Variants in PHACTR1 observed in about 807,000 individuals in gnomAD.
PHACTR1 encodes the protein phosphatase and actin regulator 1.
Under a neutral mutation model 69.2 loss-of-function variants are expected in PHACTR1, and 16 were observed. The ratio of observed to expected loss-of-function variants is 0.23; its 90% confidence interval spans 0.16 to 0.35. The LOEUF (loss-of-function observed/expected upper bound fraction) is 0.35, where lower values mean the gene tolerates loss of function less well. Among genes scored for constraint, PHACTR1 ranks in the 10% least tolerant of loss-of-function variants. PHACTR1 has a pLI of 1.00. For synonymous variants in PHACTR1, 312 were observed against 284.5 expected, an observed-to-expected ratio of 1.10 and a Z score of -0.97; for missense variants, 510 against 734.7, an observed-to-expected ratio of 0.69 and a Z score of 3.54.
At chr6:12,970,439 C>T (rs1240551717) in intron 4 of PHACTR1, among the ~76,000 whole-genome samples, 1 of 152,170 alleles carries the variant, frequency 6.6e-6, no homozygotes, top group African/African-American at 2.4e-5. Flanking sequence ...GACTTCAGTG[C>T]ACAGCAGTAT....
At chr6:13,157,007 A>G (rs1038558246) in intron 5 of PHACTR1, among the ~76,000 whole-genome samples, 15 of 152,142 alleles carry the variant, frequency 9.9e-5, no homozygotes, top group African/African-American at 1.7e-4. Flanking sequence ...GTGAATGTTC[A>G]TCTTTCATAT....
At chr6:12,844,520 T>C (rs1016951259) in intron 4 of PHACTR1, among the ~76,000 whole-genome samples, 4 of 152,160 alleles carry the variant, frequency 2.6e-5, no homozygotes, top group African/African-American at 7.2e-5. Context: ...TATGATGTAC[T>C]GGGCAAAGTT....
chr6:12,969,425 G>T (rs1793900329), intron 4 of PHACTR1, among the ~76,000 whole-genome samples: 1 of 152,112 alleles, frequency 6.6e-6, no homozygotes, highest in Non-Finnish European at 1.5e-5. Flanking sequence ...CTAGCAACCT[G>T]TCTTGTATTT....
chr6:12,901,688 G>A (rs560720131), intron 4 of PHACTR1, among the ~76,000 whole-genome samples: 1 of 152,234 alleles, frequency 6.6e-6, no homozygotes, highest in Non-Finnish European at 1.5e-5. Context: ...TAGAAACGGG[G>A]TTTCACCATG....
intron 5 of PHACTR1, among the ~76,000 whole-genome samples, chr6:13,144,852 GA>G (rs1389000481): frequency 6.6e-6 from 1 of 151,750 alleles, no homozygotes; most frequent in African/African-American, 2.4e-5. Context: ...CAAGTTAAAG[GA>G]TGTATACTAC....
chr6:12,752,534 A>T (rs1766752131), intron 4 of PHACTR1, among the ~76,000 whole-genome samples: 1 of 152,238 alleles, frequency 6.6e-6, no homozygotes, highest in Admixed American at 6.5e-5. Flanking sequence ...CCACACCAGT[A>T]ATTATACATA....
intron 4 of PHACTR1, among the ~76,000 whole-genome samples, chr6:12,873,568 T>G (rs1232974439): frequency 6.6e-6 from 1 of 152,106 alleles, no homozygotes; most frequent in African/African-American, 2.4e-5. Context: ...ACGTTTTACA[T>G]CAGGTGTTCA....
At chr6:12,899,503 AG>A (rs1226983152) in intron 4 of PHACTR1, among the ~76,000 whole-genome samples, 3 of 152,194 alleles carry the variant, frequency 2.0e-5, no homozygotes, top group Admixed American at 6.5e-5. Context: ...TATAATTAAA[AG>A]GGTGTGCCTT....
chr6:13,125,130 A>G (rs139661369), intron 5 of PHACTR1, among the ~76,000 whole-genome samples: 97 of 152,340 alleles, frequency 6.4e-4, no homozygotes, highest in African/African-American at 2.2e-3. Context: ...ACGGCTGGGA[A>G]GCAGGTGAAT....
At chr6:13,062,830 C>T (rs1431921525) in intron 5 of PHACTR1, among the ~76,000 whole-genome samples, 1 of 152,206 alleles carries the variant, frequency 6.6e-6, no homozygotes, top group Non-Finnish European at 1.5e-5. Flanking sequence ...GCCTCTTATC[C>T]AGCATAAGAC....
intron 4 of PHACTR1, among the ~76,000 whole-genome samples, chr6:12,789,115 C>T (rs970017495): frequency 6.6e-6 from 1 of 152,180 alleles, no homozygotes; most frequent in Non-Finnish European, 1.5e-5. Flanking sequence ...TTGAATCACC[C>T]AGGTTTAGGT....
At chr6:12,807,821 C>G (rs1230932429) in intron 4 of PHACTR1, among the ~76,000 whole-genome samples, 2 of 152,206 alleles carry the variant, frequency 1.3e-5, no homozygotes, top group African/African-American at 4.8e-5. Flanking sequence ...ACCCTGAACA[C>G]CCAATAGCAT....
intron 3 of PHACTR1, among the ~76,000 whole-genome samples, chr6:12,725,597 T>C (rs1251064787): frequency 6.6e-6 from 1 of 152,208 alleles, no homozygotes; most frequent in Non-Finnish European, 1.5e-5. Context: ...AAAATAGATA[T>C]AATGCTAGCT....
At chr6:12,988,493 A>G (rs1216674433) in intron 4 of PHACTR1, among the ~76,000 whole-genome samples, 2 of 152,226 alleles carry the variant, frequency 1.3e-5, no homozygotes, top group African/African-American at 2.4e-5. Context: ...AATAGAGGTG[A>G]TGCATTATGA....
Position 13,074,331 on chromosome 6 carries a change from G to A in PHACTR1, c.415+20802G>A, listed in dbSNP as rs138501362. Among the ~76,000 whole-genome samples the A allele has an allele frequency of 1.7e-3, 255 of 152,328 alleles. 1 individual carries two copies. Among genetic ancestry groups the A allele is most frequent in the African/African-American group, 5.8e-3 (240 of 41,590 alleles). ...TACTGAGATACCATTTGTCACTTAT[G>A]ACTTTGGCAAAGATAAGAAATCGAT... On this transcript the variant is annotated intron_variant, in intron 5 of 14. Coordinates refer to ENST00000332995, the MANE Select transcript of PHACTR1 (RefSeq NM_030948.6).
At chr6:13,196,514 A>G (rs1306890268) in intron 7 of PHACTR1, 2 of 173,758 alleles carry the variant, frequency 1.2e-5, no homozygotes, top group South Asian at 8.9e-5. Context: ...TCCGCTTCCC[A>G]GGTTCAAGCG....
chr6:12,986,306 C>T (rs188554531), intron 4 of PHACTR1, among the ~76,000 whole-genome samples: 260 of 152,176 alleles, frequency 1.7e-3, no homozygotes, highest in African/African-American at 5.7e-3. Flanking sequence ...GACCTTGCAC[C>T]GGTGACACAC....
chr6:13,217,508 T>C (rs75714180), intron 8 of PHACTR1, among the ~76,000 whole-genome samples: 17 of 152,306 alleles, frequency 1.1e-4, no homozygotes, highest in Admixed American at 5.2e-4. Flanking sequence ...GTGTGTCTTA[T>C]GGTTTTGTTC....
chr6:13,279,494 A>G (rs1049267805), intron 12 of PHACTR1: 1 of 152,256 alleles, frequency 6.6e-6, no homozygotes, highest in Admixed American at 6.5e-5. Context: ...CTCTCCAGAA[A>G]TATCACACAA....
Sources: allele counts gnomAD v4.1 joint callset (sites outside exome capture counted in the v4.1 genomes callset), GRCh38; gene constraint gnomAD v4.1.1; transcripts MANE v1.5; gene names NCBI Gene and HGNC (gene_info 2026-07-23, HGNC 2026-07-21).